The following DLGAP2 variants were observed in gnomAD, a reference collection of about 807,000 sequenced individuals.
The protein encoded by DLGAP2 is DLG associated protein 2, also known as disks large-associated protein 2.
DLGAP2 carries 26 observed loss-of-function variants against 100.3 expected under a neutral mutation model. The ratio of observed to expected loss-of-function variants is 0.26; its 90% CI spans 0.19 to 0.36. DLGAP2 has a LOEUF of 0.36. Ranked by LOEUF, DLGAP2 falls within the 10% of genes least tolerant of loss-of-function variation. DLGAP2 has a pLI of 1.00. For missense variants in DLGAP2, 1,858 were observed against 1,453.2 expected (o/e 1.28, Z -4.53); for synonymous variants, 886 against 630.1 (o/e 1.41, Z -6.08).
chr8:876,380 G>A (rs140236653), intron 1 of DLGAP2, among the ~76,000 whole-genome samples: 2 of 152,186 alleles, frequency 1.3e-5, no homozygotes, highest in African/African-American at 4.8e-5. Context: ...CTTCATTTTT[G>A]AAGAATAGGT....
chr8:1,410,517 G>T (rs748801342), intron 3 of DLGAP2, among the ~76,000 whole-genome samples: 3 of 152,218 alleles, frequency 2.0e-5, no homozygotes, highest in African/African-American at 4.8e-5. Context: ...TCCTGCAGGG[G>T]TCCATCTGCA....
intron 4 of DLGAP2, among the ~76,000 whole-genome samples, chr8:1,545,598 A>C (rs1315281359): frequency 6.6e-6 from 1 of 152,228 alleles, no homozygotes; most frequent in African/African-American, 2.4e-5. Context: ...CACATTGTGC[A>C]CACCTAAAAA....
chr8:1,663,006 G>A (rs1798449738), intron 8 of DLGAP2, among the ~76,000 whole-genome samples: 1 of 150,538 alleles, frequency 6.6e-6, no homozygotes, highest in Admixed American at 6.6e-5. Flanking sequence ...TGTGGGGTGT[G>A]TGTGTGTGTA....
At chr8:1,602,389 C>T (rs905030145) in intron 6 of DLGAP2, among the ~76,000 whole-genome samples, 1 of 152,202 alleles carries the variant, frequency 6.6e-6, no homozygotes, top group Non-Finnish European at 1.5e-5. Context: ...TACAGCCTGG[C>T]TGCTTCAAAG....
At chr8:981,956 A>T (rs184905777) in intron 2 of DLGAP2, among the ~76,000 whole-genome samples, 3 of 152,328 alleles carry the variant, frequency 2.0e-5, no homozygotes, top group Middle Eastern at 6.8e-3. Context: ...TGCTGTTCAC[A>T]GGTAAACTGG....
At chr8:820,338 A>C (rs1383562312) in intron 1 of DLGAP2, among the ~76,000 whole-genome samples, 3 of 152,254 alleles carry the variant, frequency 2.0e-5, no homozygotes, top group African/African-American at 7.2e-5. Flanking sequence ...GAAGGAACTG[A>C]TAGATTTGGA....
intron 3 of DLGAP2, among the ~76,000 whole-genome samples, chr8:1,337,471 A>T: frequency 6.2e-5 from 1 of 16,232 alleles, no homozygotes; most frequent in African/African-American, 2.3e-4. Flanking sequence ...AATGGTGAGG[A>T]TGATGGGGAT....
intron 6 of DLGAP2, among the ~76,000 whole-genome samples, chr8:1,594,198 A>G (rs1796375219): frequency 6.6e-6 from 1 of 152,206 alleles, no homozygotes; most frequent in East Asian, 1.9e-4. Context: ...ACCAGTGCGG[A>G]AAGTCAAGGA....
At chr8:1,282,986 T>C (rs1249690424) in intron 3 of DLGAP2, among the ~76,000 whole-genome samples, 26 of 81,006 alleles carry the variant, frequency 3.2e-4, no homozygotes, top group South Asian at 1.0e-3. Context: ...GTGACCTGAA[T>C]CCAGCCCCCT....
At chr8:1,367,944 C>T (rs546424897) in intron 3 of DLGAP2, among the ~76,000 whole-genome samples, 2 of 152,362 alleles carry the variant, frequency 1.3e-5, no homozygotes, top group African/African-American at 4.8e-5. Context: ...TCTTTAGTGC[C>T]TGGCATGGAG....
At chr8:1,576,007 G>A (rs1423585649) in intron 6 of DLGAP2, among the ~76,000 whole-genome samples, 2 of 152,100 alleles carry the variant, frequency 1.3e-5, no homozygotes, top group African/African-American at 4.8e-5. Context: ...TGGGTCAAAT[G>A]GTATTTCTAG....
At chr8:1,639,049 G>A (rs553533223) in intron 8 of DLGAP2, among the ~76,000 whole-genome samples, 3 of 152,358 alleles carry the variant, frequency 2.0e-5, no homozygotes, top group Admixed American at 2.0e-4. Flanking sequence ...CCTCTCAGCA[G>A]CCGAAGCCAA....
intron 1 of DLGAP2, among the ~76,000 whole-genome samples, chr8:843,357 A>C (rs1253616866): frequency 1.3e-5 from 2 of 152,130 alleles, no homozygotes; most frequent in African/African-American, 2.4e-5. Context: ...CCTTTCCTGG[A>C]AGGGCGGTGT....
chr8:1,535,558 T>C (rs1449523389), intron 4 of DLGAP2, among the ~76,000 whole-genome samples: 1 of 152,224 alleles, frequency 6.6e-6, no homozygotes, highest in African/African-American at 2.4e-5. Context: ...ACACACGTTG[T>C]TGTGAACTCT....
chr8:1,290,643 C>T (rs1050590888), intron 3 of DLGAP2, among the ~76,000 whole-genome samples: 4 of 152,208 alleles, frequency 2.6e-5, no homozygotes, highest in Admixed American at 6.5e-5. Flanking sequence ...CGTGGCAGGA[C>T]GGTGGCTGAC....
At chr8:1,230,441 C>G (rs769667124) in intron 2 of DLGAP2, among the ~76,000 whole-genome samples, 1 of 152,058 alleles carries the variant, frequency 6.6e-6, no homozygotes, top group African/African-American at 2.4e-5. Flanking sequence ...CTGCCCAAAG[C>G]GATCTACAGA....
At chr8:1,527,741 A>G (rs929859585) in intron 4 of DLGAP2, among the ~76,000 whole-genome samples, 1 of 152,194 alleles carries the variant, frequency 6.6e-6, no homozygotes, top group Non-Finnish European at 1.5e-5. Context: ...ACGAGGGGTC[A>G]AGGACAAGCA....
intron 3 of DLGAP2, among the ~76,000 whole-genome samples, chr8:1,287,938 G>C (rs1343487471): frequency 3.5e-5 from 4 of 113,298 alleles, no homozygotes; most frequent in East Asian, 2.3e-4. Context: ...TTTTGGTTCA[G>C]CGTGTGTGTG....
chr8:1,022,933 A>G (rs1031348287), intron 2 of DLGAP2, among the ~76,000 whole-genome samples: 6 of 152,216 alleles, frequency 3.9e-5, no homozygotes, highest in Non-Finnish European at 8.8e-5. Flanking sequence ...GATTTAAACA[A>G]TCTTGATCTG....
Sources: gnomAD v4.1 joint callset for allele counts (sites outside exome capture counted in the v4.1 genomes callset) on GRCh38, gnomAD v4.1.1 for gene constraint, MANE v1.5 for transcripts, NCBI Gene and HGNC (gene_info 2026-07-23, HGNC 2026-07-21) for gene names.